The following ANKRD33B variants were observed in gnomAD, a reference collection of about 807,000 sequenced individuals.
The protein encoded by ANKRD33B is ankyrin repeat domain 33B, also known as ankyrin repeat domain-containing protein 33B.
A neutral mutation model predicts 21.5 loss-of-function variants in ANKRD33B; 6 were observed. That is an observed-to-expected ratio of 0.28 (90% CI 0.15 to 0.55). The LOEUF (loss-of-function observed/expected upper bound fraction) is 0.55. Ranked by LOEUF, ANKRD33B falls within the 20% of genes least tolerant of loss-of-function variation. The pLI is 0.94. For missense variants in ANKRD33B, 698 were observed against 747.2 expected (o/e 0.93, Z 0.77); for synonymous variants, 347 against 342.4 (o/e 1.01, Z -0.15).
chr5:10,639,677 G>C (rs1449605150), intron 3 of ANKRD33B, among the ~76,000 whole-genome samples: 1 of 48,480 alleles, frequency 2.1e-5, no homozygotes. Flanking sequence ...GTGGGGTTGC[G>C]CGGCGATGTT....
intron 1 of ANKRD33B, among the ~76,000 whole-genome samples, chr5:10,607,993 C>G (rs1299967164): frequency 6.6e-6 from 1 of 152,112 alleles, no homozygotes; most frequent in East Asian, 1.9e-4. Flanking sequence ...TCTTCATCAC[C>G]ACTCCTTCTA....
chr5:10,624,130 C>CTTTTTTTTTTT (rs60575071), intron 2 of ANKRD33B, among the ~76,000 whole-genome samples: 1 of 134,314 alleles, frequency 7.4e-6, no homozygotes, highest in Non-Finnish European at 1.6e-5. Flanking sequence ...TCTTTCTTTT[C>CTTTTTTTTTTT]TTTTTTTTTT....
At chr5:10,643,661 C>CA (rs922161449) in intron 3 of ANKRD33B, among the ~76,000 whole-genome samples, 5 of 150,912 alleles carry the variant, frequency 3.3e-5, no homozygotes, top group Non-Finnish European at 7.4e-5. Flanking sequence ...ACTGAAAATA[C>CA]AAAAAAAATT....
intron 1 of ANKRD33B, among the ~76,000 whole-genome samples, chr5:10,601,386 T>C (rs1400713042): frequency 6.6e-6 from 1 of 152,216 alleles, no homozygotes; most frequent in East Asian, 1.9e-4. Flanking sequence ...GCCTCCCGCC[T>C]GGGACACGGT....
At chr5:10,601,330 G>A (rs1301725552) in intron 1 of ANKRD33B, among the ~76,000 whole-genome samples, 3 of 152,292 alleles carry the variant, frequency 2.0e-5, no homozygotes, top group East Asian at 3.9e-4. Context: ...AGCCCGTCAT[G>A]ACCCAGAATT....
chr5:10,609,037 A>G (rs1736110607), intron 1 of ANKRD33B, among the ~76,000 whole-genome samples: 1 of 152,252 alleles, frequency 6.6e-6, no homozygotes, highest in Non-Finnish European at 1.5e-5. Flanking sequence ...TGTATTGCCC[A>G]GTAGTGTAGC....
At chr5:10,570,565 T>C (rs2126543845) in intron 1 of ANKRD33B, among the ~76,000 whole-genome samples, 1 of 152,250 alleles carries the variant, frequency 6.6e-6, no homozygotes, top group East Asian at 1.9e-4. Context: ...TATTTTATTT[T>C]ATATTATTTT....
intron 2 of ANKRD33B, among the ~76,000 whole-genome samples, chr5:10,635,952 A>G (rs1362820458): frequency 6.6e-6 from 1 of 152,242 alleles, no homozygotes; most frequent in African/African-American, 2.4e-5. Context: ...AGGCTGCTGC[A>G]GCGTCATGCT....
At chr5:10,625,358 C>T (rs1485164241) in intron 2 of ANKRD33B, among the ~76,000 whole-genome samples, 1 of 152,252 alleles carries the variant, frequency 6.6e-6, no homozygotes, top group African/African-American at 2.4e-5. Context: ...CTTATCAGCA[C>T]TCAGGAGTCA....
Position 10,576,815 on chromosome 5 carries a change from T to C in ANKRD33B, c.366+11982T>C, listed in dbSNP as rs1343191713. Among the ~76,000 whole-genome samples the C allele has an allele frequency of 6.6e-6, 1 of 152,200 alleles. No homozygotes were observed. Among genetic ancestry groups the C allele is most frequent in the African/African-American group, 2.4e-5 (1 of 41,446 alleles). On this transcript the variant is annotated intron_variant, in intron 1 of 3. Transcript: ENST00000296657. This position sits in a 1 kb window ranked among gnomAD's most constrained non-coding sequence, Gnocchi z 4.1. ...CACATCCACATGGTGAGGCCTCTTT[T>C]GTAACTGTTAAAAGTGGCAGCCAGT...
chr5:10,634,496 G>C (rs1225911927), intron 2 of ANKRD33B, among the ~76,000 whole-genome samples: 1 of 142,204 alleles, frequency 7.0e-6, no homozygotes, highest in Non-Finnish European at 1.5e-5. Flanking sequence ...GTCTCACTCT[G>C]TCGTCCAGGC....
At chr5:10,624,795 C>A in intron 2 of ANKRD33B, 1 of 456,792 alleles carries the variant, frequency 2.2e-6, no homozygotes, top group Non-Finnish European at 4.4e-6. Flanking sequence ...CCGGCGTCAG[C>A]ATCACCTGGG....
chr5:10,606,737 T>A (rs1399160291), intron 1 of ANKRD33B, among the ~76,000 whole-genome samples: 1 of 151,182 alleles, frequency 6.6e-6, no homozygotes. Context: ...TGTCTTTTTT[T>A]TTTTTTTTTG....
chr5:10,577,781 A>G (rs1201976677), intron 1 of ANKRD33B, among the ~76,000 whole-genome samples: 1 of 152,200 alleles, frequency 6.6e-6, no homozygotes, highest in Non-Finnish European at 1.5e-5. Flanking sequence ...GGTGTTAGAT[A>G]ACGGGCAGGT....
chr5:10,564,932 G>C, intron 1 of ANKRD33B, 99 bp downstream of exon 1: 1 of 1,393,568 alleles, frequency 7.2e-7, no homozygotes, highest in African/African-American at 1.5e-5. Context: ...CTCCGGACCG[G>C]TCCCTCGGTC....
intron 1 of ANKRD33B, among the ~76,000 whole-genome samples, chr5:10,615,500 C>G (rs752997738): frequency 6.6e-6 from 1 of 152,196 alleles, no homozygotes; most frequent in Non-Finnish European, 1.5e-5. Flanking sequence ...ATAGGATAGT[C>G]TGTATCTACC....
chr5:10,573,067 C>T lies in ANKRD33B; in HGVS notation c.366+8234C>T, dbSNP rs574474114. On this transcript the variant is annotated intron_variant, in intron 1 of 3. Transcript: ENST00000296657. The stretch of plus-strand genomic sequence containing the variant: ...ATCCAATCAGTTGCCACTGAGCCAG[C>T]TGTGACATGGGATTTCACTTCTACC... Among the ~76,000 whole-genome samples, 99 of 152,352 alleles carry T rather than the reference C, an allele frequency of 6.5e-4. 1 individual carries two copies. Among genetic ancestry groups the T allele is most frequent in the African/African-American group, 2.3e-3 (94 of 41,586 alleles).
intron 1 of ANKRD33B, among the ~76,000 whole-genome samples, chr5:10,577,375 C>G (rs1012748603): frequency 6.6e-6 from 1 of 152,204 alleles, no homozygotes; most frequent in East Asian, 1.9e-4. Flanking sequence ...AGTGATCCAC[C>G]AGCCTCAGCC....
chr5:10,573,218 C>T (rs889001838), intron 1 of ANKRD33B, among the ~76,000 whole-genome samples: 2 of 152,138 alleles, frequency 1.3e-5, no homozygotes, highest in African/African-American at 4.8e-5. Context: ...CCTGTAATCC[C>T]AGCACTTTGG....
Sources: gnomAD v4.1 joint callset for allele counts (sites outside exome capture counted in the v4.1 genomes callset) on GRCh38, gnomAD v4.1.1 for gene constraint, Gnocchi (gnomAD v3.1) non-coding constraint, MANE v1.5 for transcripts, NCBI Gene and HGNC (gene_info 2026-07-23, HGNC 2026-07-21) for gene names.